Variants in LRRTM4 observed in about 807,000 individuals in gnomAD.
LRRTM4 encodes leucine rich repeat transmembrane neuronal 4.
LRRTM4 carries 25 observed loss-of-function variants against 47.6 expected under a neutral mutation model. The ratio of observed to expected loss-of-function variants is 0.53; its 90% CI spans 0.38 to 0.73. LRRTM4 has a LOEUF of 0.73. Ranked by LOEUF, LRRTM4 falls within the 30% of genes least tolerant of loss-of-function variation. The pLI is 0.00. For missense variants in LRRTM4, 638 were observed against 713.4 expected (o/e 0.89, Z 1.20); for synonymous variants, 311 against 269.5 (o/e 1.15, Z -1.51).
At chr2:77,505,470 A>C (rs1441701032) in intron 3 of LRRTM4, among the ~76,000 whole-genome samples, 2 of 151,624 alleles carry the variant, frequency 1.3e-5, no homozygotes, top group African/African-American at 2.4e-5. Flanking sequence ...TTGTTGAATA[A>C]ATCAACGAAG....
intron 3 of LRRTM4, among the ~76,000 whole-genome samples, chr2:77,430,891 A>G (rs1675347016): frequency 6.7e-6 from 1 of 148,316 alleles, no homozygotes; most frequent in African/African-American, 2.6e-5. Context: ...GCACCATCCA[A>G]TCAGATGGGG....
intron 3 of LRRTM4, among the ~76,000 whole-genome samples, chr2:76,949,538 TG>T (rs1675433191): frequency 1.3e-5 from 2 of 151,826 alleles, no homozygotes; most frequent in Non-Finnish European, 1.5e-5. Context: ...ACTTGATAGA[TG>T]AGAGAAATTT....
At chr2:77,037,965 G>C (rs1015034732) in intron 3 of LRRTM4, among the ~76,000 whole-genome samples, 3 of 151,540 alleles carry the variant, frequency 2.0e-5, no homozygotes, top group African/African-American at 7.3e-5. Context: ...TTCTTAAGGA[G>C]CACAAGCTCA....
intron 3 of LRRTM4, among the ~76,000 whole-genome samples, chr2:77,383,849 C>A (rs1358276882): frequency 6.6e-6 from 1 of 152,036 alleles, no homozygotes; most frequent in East Asian, 1.9e-4. Flanking sequence ...TCAAAGACCT[C>A]AAATCTACTT....
intron 3 of LRRTM4, among the ~76,000 whole-genome samples, chr2:77,075,711 C>G (rs374546521): frequency 1.3e-5 from 2 of 150,618 alleles, no homozygotes; most frequent in East Asian, 2.0e-4. Context: ...GTCAGGAGAT[C>G]GAGACCATCC....
chr2:76,876,055 A>G (rs1672770448), intron 3 of LRRTM4, among the ~76,000 whole-genome samples: 1 of 152,154 alleles, frequency 6.6e-6, no homozygotes. Flanking sequence ...AGTTGTCTCC[A>G]AGGAATCTGC....
At chr2:77,068,989 C>T (rs1680057543) in intron 3 of LRRTM4, among the ~76,000 whole-genome samples, 1 of 152,194 alleles carries the variant, frequency 6.6e-6, no homozygotes, top group Admixed American at 6.5e-5. Context: ...TCTAGCCAGA[C>T]CCACCCCTTT....
chr2:77,289,807 T>G (rs1425149870), intron 3 of LRRTM4, among the ~76,000 whole-genome samples: 9 of 152,056 alleles, frequency 5.9e-5, no homozygotes. Context: ...TTGTTTAATA[T>G]GAAGAATCAC....
At chr2:76,925,188 T>C (rs907310378) in intron 3 of LRRTM4, among the ~76,000 whole-genome samples, 3 of 152,278 alleles carry the variant, frequency 2.0e-5, no homozygotes, top group Admixed American at 6.5e-5. Context: ...GTGAGCCCTT[T>C]AAAAGAGGGT....
chr2:76,879,628 C>T (rs572001755), intron 3 of LRRTM4, among the ~76,000 whole-genome samples: 1 of 152,248 alleles, frequency 6.6e-6, no homozygotes, highest in Admixed American at 6.5e-5. Context: ...ACTCAGTATC[C>T]TTTCTTCAGC....
At chr2:76,988,430 A>G (rs886441416) in intron 3 of LRRTM4, among the ~76,000 whole-genome samples, 28 of 151,782 alleles carry the variant, frequency 1.8e-4, no homozygotes, top group African/African-American at 6.8e-4. Context: ...ATTCAGAGAA[A>G]TTTGTTCTCC....
intron 3 of LRRTM4, among the ~76,000 whole-genome samples, chr2:76,954,374 AAAC>A (rs1675600676): frequency 6.6e-6 from 1 of 151,884 alleles, no homozygotes; most frequent in Non-Finnish European, 1.5e-5. Flanking sequence ...AACCAACAAA[AAAC>A]AAAATTTTGG....
At chr2:77,436,663 T>A (rs1675611056) in intron 3 of LRRTM4, among the ~76,000 whole-genome samples, 1 of 151,764 alleles carries the variant, frequency 6.6e-6, no homozygotes, top group Non-Finnish European at 1.5e-5. Flanking sequence ...CCATGCATAA[T>A]CTTTTGATAA....
At chr2:76,993,199 A>G (rs1025099821) in intron 3 of LRRTM4, among the ~76,000 whole-genome samples, 4 of 152,008 alleles carry the variant, frequency 2.6e-5, no homozygotes, top group Non-Finnish European at 5.9e-5. Flanking sequence ...ACCATTCAGG[A>G]CATCAGCTTT....
intron 3 of LRRTM4, among the ~76,000 whole-genome samples, chr2:77,044,724 C>T (rs942312606): frequency 6.6e-6 from 1 of 151,512 alleles, no homozygotes; most frequent in East Asian, 1.9e-4. Flanking sequence ...ATGTATATGT[C>T]TCATTTGTGC....
At chr2:77,136,121 A>G (rs779951775) in intron 3 of LRRTM4, among the ~76,000 whole-genome samples, 7 of 152,212 alleles carry the variant, frequency 4.6e-5, no homozygotes, top group Admixed American at 2.6e-4. Context: ...TGAGCTTTGA[A>G]GAGAGTAGTG....
chr2:76,834,027 TTTA>T (rs144276288), intron 3 of LRRTM4, among the ~76,000 whole-genome samples: 8,602 of 141,788 alleles, frequency 0.061, 576 homozygotes, highest in African/African-American at 0.18. Context: ...TTATTATTTA[TTTA>T]TTTATTTATT....
At chr2:77,009,065 G>A (rs566334002) in intron 3 of LRRTM4, 2 of 151,864 alleles carry the variant, frequency 1.3e-5, no homozygotes, top group Non-Finnish European at 2.9e-5. Context: ...GAAATTCAAA[G>A]GCAAATGCTG....
chr2:77,195,315 T>TTTTTTTGGC (rs1673779497), intron 3 of LRRTM4, among the ~76,000 whole-genome samples: 1 of 151,974 alleles, frequency 6.6e-6, no homozygotes, highest in Admixed American at 6.6e-5. Flanking sequence ...TAAATATTTA[T>TTTTTTTGGC]AGATTTTTCT....
Sources: allele counts gnomAD v4.1 joint callset (sites outside exome capture counted in the v4.1 genomes callset), GRCh38; gene constraint gnomAD v4.1.1; transcripts MANE v1.5; gene names NCBI Gene and HGNC (gene_info 2026-07-23, HGNC 2026-07-21).